DNAAF4: variants seen among roughly 807,000 people sequenced by gnomAD.
The protein encoded by DNAAF4 is dynein assembly factor 4, axonemal.
A neutral mutation model predicts 51.8 loss-of-function variants in DNAAF4; 43 were observed. The observed-to-expected ratio is 0.83, with a 90% confidence interval of 0.65 to 1.07. The LOEUF (loss-of-function observed/expected upper bound fraction) is 1.07. Ranked by LOEUF, DNAAF4 falls within the 50% of genes least tolerant of loss-of-function variation. The pLI is 0.00. For missense variants in DNAAF4, 581 were observed against 493.0 expected, an observed-to-expected ratio of 1.18 and a Z score of -1.69; for synonymous variants, 194 against 165.6, an observed-to-expected ratio of 1.17 and a Z score of -1.32.
At position 55,437,565 on chromosome 15, in the gene DNAAF4, C is replaced by T. The variant is rs73408829; in HGVS notation, c.893+1907G>A. Among the ~76,000 whole-genome samples the T allele has an allele frequency of 3.3e-3, 497 of 151,972 alleles. 1 individual carries two copies. Among genetic ancestry groups the T allele is most frequent in the African/African-American group, 0.011 (468 of 41,430 alleles). ...CAGAACCTATGAACGTTACCTAACA[C>T]GGCAAAAAGGACTTTGCACATGTGA... On this transcript the variant is annotated intron_variant, in intron 7 of 9. Coordinates refer to ENST00000321149, the MANE Select transcript of DNAAF4 (RefSeq NM_130810.4).
intron 6 of DNAAF4, chr15:55,442,835 T>C: frequency 1.9e-6 from 3 of 1,612,982 alleles, no homozygotes; most frequent in Non-Finnish European, 2.5e-6. Flanking sequence ...GTCATGACGA[T>C]TCCCCCAGCC....
chr15:55,488,259 C>A (rs1469283773), intron 4 of DNAAF4, among the ~76,000 whole-genome samples: 1 of 152,064 alleles, frequency 6.6e-6, no homozygotes, highest in Non-Finnish European at 1.5e-5. Flanking sequence ...GTAGCCCAAG[C>A]AGAATAATAC....
chr15:55,484,696 A>G (rs958462558), intron 4 of DNAAF4, among the ~76,000 whole-genome samples: 14 of 152,110 alleles, frequency 9.2e-5, no homozygotes, highest in Non-Finnish European at 1.9e-4. Context: ...ACACAATCAC[A>G]AGGTATCACA....
downstream of DNAAF4, among the ~76,000 whole-genome samples, chr15:55,428,880 T>G (rs114822265): frequency 0.084 from 12,800 of 152,114 alleles, 692 homozygotes; most frequent in African/African-American, 0.13. Context: ...TTATATAAGA[T>G]GCTGCTTGAT....
At chr15:55,422,483 T>C (rs190579283) in intron 7 of DNAAF4, among the ~76,000 whole-genome samples, 309 of 152,142 alleles carry the variant, frequency 2.0e-3, no homozygotes, top group African/African-American at 7.0e-3. Context: ...AACCACCATT[T>C]AGAGGTCAAG....
intron 5 of DNAAF4, among the ~76,000 whole-genome samples, 200 bp downstream of exon 5, chr15:55,466,730 G>A (rs891064014): frequency 2.0e-5 from 3 of 152,106 alleles, no homozygotes; most frequent in African/African-American, 4.8e-5. Context: ...ATCCTTGAAC[G>A]AATCCTTGCT....
At chr15:55,500,068 G>C (rs1232392483) in intron 1 of DNAAF4, among the ~76,000 whole-genome samples, 1 of 151,804 alleles carries the variant, frequency 6.6e-6, no homozygotes, top group East Asian at 1.9e-4. Flanking sequence ...AAAAAACAGA[G>C]AAACTGGGCC....
chr15:55,451,860 A>G (rs899247146), intron 5 of DNAAF4, among the ~76,000 whole-genome samples: 2 of 152,024 alleles, frequency 1.3e-5, no homozygotes, highest in Non-Finnish European at 2.9e-5. Context: ...GGCTCAAGCA[A>G]TCCTCCCATC....
chr15:55,483,333 G>A (rs2141561931), intron 4 of DNAAF4, among the ~76,000 whole-genome samples: 1 of 151,962 alleles, frequency 6.6e-6, no homozygotes, highest in Admixed American at 6.6e-5. Flanking sequence ...TTGACCTTGT[G>A]ATCCGCCCCC....
rs555377584 is a variant in DNAAF4 at position 55,492,621 on chromosome 15, C to A, written c.272-1365G>T. Among the ~76,000 whole-genome samples the A allele has an allele frequency of 1.1e-4, 16 of 151,988 alleles. 1 individual carries two copies. Among genetic ancestry groups the A allele is most frequent in the South Asian group, 4.2e-4 (2 of 4,810 alleles). ...GTGGTCCGATCTCAGCTCACTGCAACCCCCGCCTCCTGGGTTCAAGCAATT... is the reference window on the plus strand; with the variant it reads ...GTGGTCCGATCTCAGCTCACTGCAAACCCCGCCTCCTGGGTTCAAGCAATT... On this transcript the variant is annotated intron_variant, in intron 3 of 9. Coordinates refer to ENST00000321149, the MANE Select transcript of DNAAF4 (RefSeq NM_130810.4).
At chr15:55,429,000 C>T (rs1476730092), downstream of DNAAF4, among the ~76,000 whole-genome samples, 3 of 147,624 alleles carry the variant, frequency 2.0e-5, no homozygotes, top group East Asian at 2.1e-4. Flanking sequence ...GGCAGGCAGA[C>T]CACTTGAGGT....
chr15:55,466,670 G>T (rs1195706272), intron 5 of DNAAF4, among the ~76,000 whole-genome samples: 1 of 150,940 alleles, frequency 6.6e-6, no homozygotes, highest in Non-Finnish European at 1.5e-5. Flanking sequence ...CAACATCTTT[G>T]TAAATTTCAA....
At chr15:55,435,569 A>G (rs1595892489) in intron 7 of DNAAF4, among the ~76,000 whole-genome samples, 2 of 152,210 alleles carry the variant, frequency 1.3e-5, no homozygotes, top group East Asian at 3.8e-4. Context: ...GCCCTTCATG[A>G]TACAGTTAAG....
In DNAAF4 at chr15:55,439,503, TTTC is replaced by T. The variant is rs773482119; in HGVS notation, c.859_861del (p.Glu287del). 19 of 1,614,008 alleles carry T rather than the reference TTTC, an allele frequency of 1.2e-5. No individual in the cohort carries two copies. The African/African-American group carries it at 1.3e-4, about 11-fold the overall frequency. ...TTATCCTTCAACCATTCTGGGTTCT[TTTC>T]TTCTTCTTTTAAATCGCAAAGTTCA... On this transcript the variant is annotated inframe_deletion, in exon 7 of 10. Transcript: ENST00000321149.
At chr15:55,459,187 T>C (rs1409718092) in intron 5 of DNAAF4, among the ~76,000 whole-genome samples, 2 of 151,758 alleles carry the variant, frequency 1.3e-5, no homozygotes, top group Non-Finnish European at 2.9e-5. Context: ...CCAGAAGGGA[T>C]GGGGGTCCTA....
At chr15:55,435,311 C>T (rs1276347024) in intron 7 of DNAAF4, among the ~76,000 whole-genome samples, 1 of 152,116 alleles carries the variant, frequency 6.6e-6, no homozygotes, top group Non-Finnish European at 1.5e-5. Context: ...ATTATTTTTG[C>T]TCCAGTAATT....
intron 9 of DNAAF4, among the ~76,000 whole-genome samples, chr15:55,432,171 G>A (rs1253302572): frequency 2.0e-5 from 3 of 151,292 alleles, no homozygotes; most frequent in East Asian, 2.0e-4. Context: ...GGCTGGTCTC[G>A]AACTCCCGAC....
At chr15:55,438,057 A>C (rs1368539066) in intron 7 of DNAAF4, among the ~76,000 whole-genome samples, 2 of 152,202 alleles carry the variant, frequency 1.3e-5, no homozygotes. Flanking sequence ...GCCAGAATTC[A>C]CTGTTTTTGA....
intron 6 of DNAAF4, chr15:55,442,664 T>C (rs1405821415): frequency 6.5e-7 from 1 of 1,527,800 alleles, no homozygotes; most frequent in Middle Eastern, 2.3e-4. Flanking sequence ...TTCAGCTTTA[T>C]AAGTAAGCTT....
Sources: gnomAD v4.1 joint callset for allele counts (sites outside exome capture counted in the v4.1 genomes callset) on GRCh38, gnomAD v4.1.1 for gene constraint, MANE v1.5 for transcripts, NCBI Gene and HGNC (gene_info 2026-07-23, HGNC 2026-07-21) for gene names.